Variants in MASP1 observed in about 807,000 individuals in gnomAD.
The protein encoded by MASP1 is mannan-binding lectin serine protease 1.
MASP1 carries 59 observed loss-of-function variants against 77.1 expected under a neutral mutation model. The observed-to-expected ratio is 0.77, with a 90% CI of 0.62 to 0.95. MASP1 has a LOEUF of 0.95. MASP1 is among the 40% of genes least tolerant of loss of function. MASP1 has a pLI of 0.00. For synonymous variants in MASP1, 362 were observed against 354.5 expected (o/e 1.02, Z -0.24); for missense variants, 885 against 912.9 (o/e 0.97, Z 0.39).
chr3:187,278,047 A>C (rs1043226864), intron 2 of MASP1, among the ~76,000 whole-genome samples: 5 of 152,204 alleles, frequency 3.3e-5, no homozygotes, highest in Non-Finnish European at 7.4e-5. Flanking sequence ...TTACCACTAT[A>C]ATAGTACTTT....
intron 8 of MASP1, chr3:187,246,686 A>T: frequency 1.0e-6 from 1 of 989,000 alleles, no homozygotes; most frequent in Non-Finnish European, 1.2e-6. Flanking sequence ...TCTTTTTAAA[A>T]TTTTTAATCA....
chr3:187,245,718 T>G (rs1714017755), intron 8 of MASP1, among the ~76,000 whole-genome samples: 1 of 152,156 alleles, frequency 6.6e-6, no homozygotes, highest in South Asian at 2.1e-4. Context: ...GCTCTTTGCT[T>G]TAGGAAGGGT....
chr3:187,256,877 A>G lies in MASP1; in HGVS notation c.548-17T>C. On this transcript the variant is annotated splice_polypyrimidine_tract_variant and intron_variant, in intron 4 of 10. Transcript: ENST00000296280. ...TGCACTCCACTGTTGGAAACATAATAGAGAAAATGGCGCATCGCAACCACA... is the reference window on the plus strand; with the variant it reads ...TGCACTCCACTGTTGGAAACATAATGGAGAAAATGGCGCATCGCAACCACA... The G allele has an allele frequency of 6.2e-7, 1 of 1,612,156 alleles. No individual in the cohort carries two copies. Among genetic ancestry groups the G allele is most frequent in the South Asian group, 1.1e-5 (1 of 91,004 alleles).
intron 2 of MASP1, among the ~76,000 whole-genome samples, chr3:187,267,910 A>G (rs187902034): frequency 1.8e-4 from 1 of 5,614 alleles, no homozygotes; most frequent in African/African-American, 1.9e-4. Context: ...TTCTATAATT[A>G]CGAGTTCTAA....
chr3:187,266,734 A>C (rs1461886741), intron 2 of MASP1, among the ~76,000 whole-genome samples: 1 of 152,212 alleles, frequency 6.6e-6, no homozygotes, highest in Non-Finnish European at 1.5e-5. Context: ...GATAAGGAGA[A>C]GCCAAGAGGC....
intron 8 of MASP1, chr3:187,246,716 G>A (rs988144581): frequency 1.0e-6 from 1 of 986,268 alleles, no homozygotes; most frequent in South Asian, 4.7e-5. Flanking sequence ...AAGAAACATA[G>A]AACTTGTAAG....
chr3:187,220,062 G>T (rs374868178), exon 16 of MASP1: 1 of 1,613,138 alleles, frequency 6.2e-7, no homozygotes, highest in Admixed American at 1.7e-5. Flanking sequence ...TGGGGCTGAG[G>T]AGCCAAATTC....
chr3:187,230,767 T>G (rs986072041), downstream of MASP1, among the ~76,000 whole-genome samples: 4 of 152,310 alleles, frequency 2.6e-5, no homozygotes, highest in Middle Eastern at 3.4e-3. Flanking sequence ...AACCAAGGCC[T>G]GGAGAAGGAA....
chr3:187,224,635 C>G (rs1332798689), intron 13 of MASP1, among the ~76,000 whole-genome samples: 1 of 152,018 alleles, frequency 6.6e-6, no homozygotes, highest in Non-Finnish European at 1.5e-5. Flanking sequence ...CGTGAGCCAC[C>G]GCGCCCGGCC....
intron 5 of MASP1, 61 bp downstream of exon 5, chr3:187,256,603 T>G: frequency 6.4e-7 from 1 of 1,553,914 alleles, no homozygotes; most frequent in South Asian, 1.1e-5. Context: ...GCAATATCAA[T>G]TTTCCCAACT....
At position 187,234,635 on chromosome 3, in the gene MASP1, T is replaced by C; in HGVS notation, c.*1049A>G. ...CCCTCTGAACATCCTGCGGGGTGGA[T>C]TCTCCGCCCAGCTCATGCCCCAGGG... On this transcript the variant is annotated 3_prime_UTR_variant, in exon 11 of 11. Coordinates refer to ENST00000296280, the MANE Select transcript of MASP1 (RefSeq NM_139125.4). 7.8e-7 allele frequency: 1 copy of C among 1,287,174 alleles called. No individual in the cohort carries two copies. The highest frequency in any genetic ancestry group is 1.0e-6 in the Non-Finnish European group (1 of 988,668). 79.7% of individuals were successfully genotyped at this position (1,287,174 alleles called of 1,614,324 possible). A position where few individuals can be genotyped will look rare whatever the true frequency, so the allele number is the denominator to read the frequency against.
chr3:187,251,802 C>A, intron 6 of MASP1, 50 bp from the exon 7 acceptor site: 1 of 1,380,118 alleles, frequency 7.2e-7, no homozygotes, highest in Non-Finnish European at 1.0e-6. Flanking sequence ...AGAATTCTGA[C>A]CTTAAAGGGC....
chr3:187,252,299 C>T (rs1482707422), intron 6 of MASP1, among the ~76,000 whole-genome samples: 2 of 152,114 alleles, frequency 1.3e-5, no homozygotes, highest in East Asian at 1.9e-4. Flanking sequence ...AATTTGCGCC[C>T]CTGTAATTTT....
intron 1 of MASP1, among the ~76,000 whole-genome samples, chr3:187,290,235 C>T (rs1177440855): frequency 3.3e-5 from 5 of 152,138 alleles, no homozygotes; most frequent in African/African-American, 7.2e-5. Context: ...AGGGGATGCT[C>T]ACTCTGGAAT....
intron 10 of MASP1, among the ~76,000 whole-genome samples, chr3:187,240,091 A>G (rs962387764): frequency 6.7e-6 from 1 of 150,302 alleles, no homozygotes; most frequent in African/African-American, 2.5e-5. Flanking sequence ...TGTGCCTTTC[A>G]CCTTCCGCCA....
At chr3:187,268,607 G>A (rs1390333786) in intron 2 of MASP1, among the ~76,000 whole-genome samples, 1 of 152,158 alleles carries the variant, frequency 6.6e-6, no homozygotes, top group African/African-American at 2.4e-5. Context: ...TTGCATATCT[G>A]GCTAAGGAGA....
downstream of MASP1, chr3:187,229,835 G>A: frequency 6.2e-7 from 1 of 1,614,140 alleles, no homozygotes; most frequent in Non-Finnish European, 8.5e-7. Context: ...GTGCCTTTCT[G>A]GGCTGGGCGT....
rs746668942 is a variant in MASP1 at position 187,236,307 on chromosome 3, A to G, written c.1564T>C (p.Leu522=). ...CCCGATTTGTCTCGCACATCATGCA[A>G]GCCCAGGTAGACGGTGACATGCTCC... is the stretch of plus-strand genomic sequence containing the variant. ...SKEHVTVYLG[L]HDVRDKSGAV... The change falls in exon 11 of 11, where the codon TTG becomes CTG. Residue 522 remains leucine (L), a synonymous_variant. Coordinates refer to ENST00000296280, the MANE Select transcript of MASP1 (RefSeq NM_139125.4). 1.8e-5 allele frequency: 29 copies of G among 1,614,266 alleles called. No homozygotes were observed. In the Admixed American group the frequency reaches 4.8e-4, roughly 27 times the overall value.
chr3:187,222,660 C>T (rs964733300), intron 14 of MASP1, among the ~76,000 whole-genome samples: 1 of 151,290 alleles, frequency 6.6e-6, no homozygotes, highest in Non-Finnish European at 1.5e-5. Context: ...GAAACTATGG[C>T]TCCTTACTTT....
Sources: allele counts gnomAD v4.1 joint callset (sites outside exome capture counted in the v4.1 genomes callset), GRCh38; gene constraint gnomAD v4.1.1; transcripts MANE v1.5; gene names NCBI Gene and HGNC (gene_info 2026-07-23, HGNC 2026-07-21).